Variants in NELL1 observed in about 807,000 individuals in gnomAD.
NELL1 encodes protein kinase C-binding protein NELL1.
NELL1 carries 76 observed loss-of-function variants against 107.4 expected under a neutral mutation model. The observed-to-expected ratio is 0.71, with a 90% confidence interval of 0.59 to 0.86. NELL1 has a LOEUF of 0.86. NELL1 is among the 40% of genes least tolerant of loss of function. The pLI, the probability that NELL1 is intolerant of heterozygous loss-of-function variation, is 0.00. For synonymous variants in NELL1, 353 were observed against 341.2 expected, an observed-to-expected ratio of 1.03 and a Z score of -0.38; for missense variants, 1,024 against 1,005.5, an observed-to-expected ratio of 1.02 and a Z score of -0.25.
intron 14 of NELL1, among the ~76,000 whole-genome samples, chr11:21,356,093 TCTG>T (rs1850927409): frequency 6.6e-6 from 1 of 152,172 alleles, no homozygotes; most frequent in Admixed American, 6.6e-5. Flanking sequence ...CCACACTGTG[TCTG>T]CTTTTTCTCC....
intron 16 of NELL1, among the ~76,000 whole-genome samples, chr11:21,548,916 T>C (rs2133987244): frequency 6.6e-6 from 1 of 150,682 alleles, no homozygotes; most frequent in African/African-American, 2.4e-5. Context: ...TGCTGCTGCA[T>C]ACAAGATAAC....
chr11:21,158,854 A>G (rs561860122), intron 13 of NELL1, among the ~76,000 whole-genome samples: 1 of 152,208 alleles, frequency 6.6e-6, no homozygotes, highest in South Asian at 2.1e-4. Flanking sequence ...CTTTTCAAGA[A>G]GCTTAGTTTT....
chr11:21,158,875 T>C (rs1856302127), intron 13 of NELL1, among the ~76,000 whole-genome samples: 3 of 152,184 alleles, frequency 2.0e-5, no homozygotes, highest in Admixed American at 1.3e-4. Context: ...TTATATATTA[T>C]CTCCTTTGTT....
intron 13 of NELL1, among the ~76,000 whole-genome samples, chr11:21,170,644 G>A (rs1235256478): frequency 6.7e-6 from 1 of 149,688 alleles, no homozygotes; most frequent in South Asian, 2.1e-4. Context: ...ATACAAATGT[G>A]TCTTTCCAGT....
At chr11:20,818,194 A>G (rs1311411577) in intron 3 of NELL1, among the ~76,000 whole-genome samples, 1 of 152,178 alleles carries the variant, frequency 6.6e-6, no homozygotes, top group Non-Finnish European at 1.5e-5. Flanking sequence ...GAAGTCCCCA[A>G]CTATTATGTG....
At chr11:20,847,887 C>A in intron 4 of NELL1, 134 bp downstream of exon 4, 3 of 884,268 alleles carry the variant, frequency 3.4e-6, no homozygotes, top group Non-Finnish European at 5.1e-6. Context: ...TTTAACCTAC[C>A]AAATGGGACC....
chr11:20,883,354 T>A (rs180843939), intron 4 of NELL1, among the ~76,000 whole-genome samples: 1 of 152,352 alleles, frequency 6.6e-6, no homozygotes, highest in East Asian at 1.9e-4. Context: ...GAAGTTAATC[T>A]CTTTGATTGT....
At chr11:21,334,435 G>A (rs566068584) in intron 14 of NELL1, among the ~76,000 whole-genome samples, 42 of 152,006 alleles carry the variant, frequency 2.8e-4, no homozygotes, top group African/African-American at 9.6e-4. Context: ...ACAGGCTACA[G>A]TTTGTCTGAT....
chr11:21,117,217 C>T (rs1383877651), intron 13 of NELL1, among the ~76,000 whole-genome samples: 3 of 151,956 alleles, frequency 2.0e-5, no homozygotes, highest in African/African-American at 4.8e-5. Context: ...TATAAATAGC[C>T]ACTCTGTTGT....
chr11:21,085,073 G>A (rs555220796), intron 12 of NELL1, among the ~76,000 whole-genome samples: 13 of 152,124 alleles, frequency 8.5e-5, no homozygotes, highest in South Asian at 2.1e-4. Context: ...ACAATATCTG[G>A]CACCTAAAAT....
In NELL1 at chr11:20,897,304, A is replaced by C. The variant is rs1463861580; in HGVS notation, c.603+11764A>C. ...TTTTGACAAACCTGACAAAAATAAG[A>C]AATGGGGAAAGGATTCCCTATTTAA... is the stretch of plus-strand genomic sequence containing the variant. On this transcript the variant is annotated intron_variant, in intron 5 of 19. Transcript: ENST00000357134. Among the ~76,000 whole-genome samples, 5 of 152,190 alleles carry C rather than the reference A, an allele frequency of 3.3e-5. No homozygotes were observed. The East Asian group carries it at 5.8e-4, about 18-fold the overall frequency.
intron 12 of NELL1, among the ~76,000 whole-genome samples, chr11:21,021,012 AACACACACACACACACACACAC>A (rs56813080): frequency 7.1e-6 from 1 of 140,224 alleles, no homozygotes; most frequent in African/African-American, 2.7e-5. Flanking sequence ...AGAAACTTAG[AACACACACACACACACACACAC>A]ACACACACAC....
chr11:21,266,338 C>T (rs187696544), intron 14 of NELL1, among the ~76,000 whole-genome samples: 1 of 152,098 alleles, frequency 6.6e-6, no homozygotes, highest in African/African-American at 2.4e-5. Context: ...TATTTTTACT[C>T]TCTGCTATTT....
intron 2 of NELL1, among the ~76,000 whole-genome samples, chr11:20,683,538 T>G (rs1287424523): frequency 6.6e-6 from 1 of 152,082 alleles, no homozygotes; most frequent in Non-Finnish European, 1.5e-5. Context: ...GTTTCTGTTT[T>G]CTGTGTTCTT....
At chr11:20,748,891 TCCATCCATCCACCCAGCCAC>T (rs1272450465) in intron 2 of NELL1, among the ~76,000 whole-genome samples, 11 of 145,418 alleles carry the variant, frequency 7.6e-5, no homozygotes, top group Non-Finnish European at 1.2e-4. Flanking sequence ...CATCCATCCA[TCCATCCATCCACCCAGCCAC>T]CCATCCATCC....
chr11:20,669,571 A>C (rs538361535), upstream of NELL1: 13 of 463,654 alleles, frequency 2.8e-5, no homozygotes, highest in Non-Finnish European at 5.0e-5. This position sits in a 1 kb window ranked among gnomAD's most constrained non-coding sequence, Gnocchi z 4.4. Context: ...TCCCGGGCGC[A>C]TATGCGAGCG....
chr11:21,113,512 T>C, intron 12 of NELL1, 77 bp from the exon 13 acceptor site: 1 of 1,434,356 alleles, frequency 7.0e-7, no homozygotes, highest in Non-Finnish European at 9.6e-7. Flanking sequence ...TTATCTTTTT[T>C]AATTTATCTG....
intron 13 of NELL1, among the ~76,000 whole-genome samples, chr11:21,130,695 C>T (rs1855595986): frequency 6.6e-6 from 1 of 152,184 alleles, no homozygotes; most frequent in African/African-American, 2.4e-5. Context: ...AGAGCCATGA[C>T]CTTTTGGAGG....
intron 12 of NELL1, among the ~76,000 whole-genome samples, chr11:21,015,995 GT>G (rs1469695802): frequency 6.6e-6 from 1 of 152,004 alleles, no homozygotes; most frequent in Non-Finnish European, 1.5e-5. Flanking sequence ...GTCTTGTAGC[GT>G]TTGCCTTTTG....
Sources: allele counts gnomAD v4.1 joint callset (sites outside exome capture counted in the v4.1 genomes callset), GRCh38; gene constraint gnomAD v4.1.1; non-coding constraint Gnocchi (gnomAD v3.1); transcripts MANE v1.5; gene names NCBI Gene and HGNC (gene_info 2026-07-23, HGNC 2026-07-21).